Variants in SYT1 observed in about 807,000 individuals in gnomAD.
The protein encoded by SYT1 is synaptotagmin-1.
Under a neutral mutation model 44.8 loss-of-function variants are expected in SYT1, and 8 were observed. The observed-to-expected ratio is 0.18, with a 90% confidence interval of 0.10 to 0.32. The LOEUF (loss-of-function observed/expected upper bound fraction) is 0.32. Among genes scored for constraint, SYT1 ranks in the 10% least tolerant of loss-of-function variants. The pLI is 1.00. For missense variants in SYT1, 286 were observed against 509.3 expected (o/e 0.56, Z 4.22); for synonymous variants, 154 against 188.8 (o/e 0.82, Z 1.51).
At position 78,887,908 on chromosome 12, in the gene SYT1, T is replaced by A. The variant is rs555571490; in HGVS notation, c.-217+22799T>A. 3.3e-5 allele frequency among the ~76,000 whole-genome samples: 5 copies of A among 152,046 alleles called. No homozygotes were observed. In the South Asian group the frequency reaches 1.0e-3, roughly 31 times the overall value. ...ATTGTTAACTTATTGAAGACAGGTT[T>A]ACACTGTTAAGATTTAAATAATTAA... On this transcript the variant is annotated intron_variant, in intron 1 of 10. Transcript: ENST00000261205.
intron 4 of SYT1, among the ~76,000 whole-genome samples, chr12:79,241,414 G>A (rs1876504673): frequency 6.6e-6 from 1 of 152,142 alleles, no homozygotes; most frequent in African/African-American, 2.4e-5. Context: ...GGGACTACAG[G>A]TGGGCGCCAC....
chr12:78,894,008 T>C (rs1404497195), intron 1 of SYT1, among the ~76,000 whole-genome samples: 2 of 151,688 alleles, frequency 1.3e-5, no homozygotes, highest in Non-Finnish European at 2.9e-5. Flanking sequence ...TTTTAACCAA[T>C]ATTGGTGAGA....
At chr12:79,323,798 C>T (rs191427792) in intron 8 of SYT1, among the ~76,000 whole-genome samples, 1 of 150,876 alleles carries the variant, frequency 6.6e-6, no homozygotes, top group Non-Finnish European at 1.5e-5. Flanking sequence ...ATAGAAAAAG[C>T]AAAATATAAA....
chr12:79,046,151 C>T (rs1874037944), intron 2 of SYT1, among the ~76,000 whole-genome samples: 1 of 152,062 alleles, frequency 6.6e-6, no homozygotes, highest in Admixed American at 6.5e-5. Flanking sequence ...GAGTTTCAAG[C>T]AGGAATAAAG....
intron 1 of SYT1, among the ~76,000 whole-genome samples, chr12:78,879,863 C>T (rs541371174): frequency 6.6e-6 from 1 of 151,722 alleles, no homozygotes; most frequent in East Asian, 1.9e-4. Flanking sequence ...TTTAATATTC[C>T]AGATTTTTTT....
At chr12:79,439,264 G>C (rs1870266682) in intron 9 of SYT1, among the ~76,000 whole-genome samples, 1 of 152,162 alleles carries the variant, frequency 6.6e-6, no homozygotes, top group Admixed American at 6.5e-5. Context: ...CTTTTCAGCT[G>C]TGTGTAATTT....
intron 2 of SYT1, among the ~76,000 whole-genome samples, chr12:79,027,578 T>C (rs895983128): frequency 6.6e-6 from 1 of 151,454 alleles, no homozygotes; most frequent in Non-Finnish European, 1.5e-5. Flanking sequence ...GTGGAATAAA[T>C]GCATTGGGCA....
At chr12:79,377,296 A>T (rs1174911147) in intron 9 of SYT1, among the ~76,000 whole-genome samples, 1 of 152,130 alleles carries the variant, frequency 6.6e-6, no homozygotes, top group Admixed American at 6.5e-5. Flanking sequence ...TATTTTCAGT[A>T]GAGACGAGGT....
At chr12:79,412,885 C>CA (rs1868517461) in intron 9 of SYT1, among the ~76,000 whole-genome samples, 1 of 152,098 alleles carries the variant, frequency 6.6e-6, no homozygotes, top group Non-Finnish European at 1.5e-5. Flanking sequence ...TTTACCGATT[C>CA]AATAGACCAA....
At chr12:79,093,077 A>C (rs1877889123) in intron 3 of SYT1, among the ~76,000 whole-genome samples, 2 of 151,750 alleles carry the variant, frequency 1.3e-5, no homozygotes. Flanking sequence ...ACACATGTAT[A>C]AAATTGTAAC....
intron 1 of SYT1, among the ~76,000 whole-genome samples, chr12:78,876,046 G>C (rs1349120208): frequency 6.6e-6 from 1 of 151,358 alleles, no homozygotes; most frequent in African/African-American, 2.4e-5. Context: ...CATGACACTT[G>C]TCAATGCAAT....
chr12:78,961,768 A>G (rs1879517745), intron 1 of SYT1, among the ~76,000 whole-genome samples: 1 of 152,138 alleles, frequency 6.6e-6, no homozygotes, highest in Non-Finnish European at 1.5e-5. Context: ...TGTATAATTG[A>G]ACTGGAATAA....
chr12:79,006,177 T>C (rs1871067614), intron 2 of SYT1, among the ~76,000 whole-genome samples: 1 of 152,160 alleles, frequency 6.6e-6, no homozygotes, highest in Non-Finnish European at 1.5e-5. Context: ...GAGGACATGA[T>C]GGCATTCATT....
At chr12:78,988,427 A>G (rs1399893543) in intron 2 of SYT1, among the ~76,000 whole-genome samples, 1 of 148,004 alleles carries the variant, frequency 6.8e-6, no homozygotes, top group Non-Finnish European at 1.5e-5. Context: ...AATATTATAT[A>G]TATATATAAA....
chr12:79,033,472 A>G (rs944290738), intron 2 of SYT1, among the ~76,000 whole-genome samples: 13 of 151,534 alleles, frequency 8.6e-5, no homozygotes, highest in Non-Finnish European at 1.6e-4. Context: ...ATTTCATAGG[A>G]TTGCATTTAT....
At chr12:79,001,550 G>C (rs925661654) in intron 2 of SYT1, among the ~76,000 whole-genome samples, 3 of 152,142 alleles carry the variant, frequency 2.0e-5, no homozygotes, top group Non-Finnish European at 4.4e-5. Context: ...TGGTTGGTAA[G>C]ATCAGGTGCT....
chr12:79,314,441 C>G (rs550679433), intron 8 of SYT1, among the ~76,000 whole-genome samples: 2 of 152,104 alleles, frequency 1.3e-5, no homozygotes, highest in Non-Finnish European at 2.9e-5. Flanking sequence ...AGGCTCAGCA[C>G]GTGTGAGTGG....
chr12:78,982,782 A>G (rs1592631293), intron 2 of SYT1, among the ~76,000 whole-genome samples: 1 of 152,198 alleles, frequency 6.6e-6, no homozygotes, highest in Non-Finnish European at 1.5e-5. Flanking sequence ...AACTTGCTTG[A>G]TAATATTTCC....
chr12:79,359,223 A>G (rs918987567), intron 9 of SYT1, among the ~76,000 whole-genome samples: 1 of 152,190 alleles, frequency 6.6e-6, no homozygotes, highest in African/African-American at 2.4e-5. Flanking sequence ...CATGGGGGCA[A>G]GCTGGAAACC....
Sources: allele counts gnomAD v4.1 joint callset (sites outside exome capture counted in the v4.1 genomes callset), GRCh38; gene constraint gnomAD v4.1.1; transcripts MANE v1.5; gene names NCBI Gene and HGNC (gene_info 2026-07-23, HGNC 2026-07-21).